Variants in ZNF79 observed in about 807,000 individuals in gnomAD.
The protein encoded by ZNF79 is zinc finger protein 79.
In ZNF79, 13 loss-of-function variants were observed where a neutral mutation model predicts 14.9. The observed-to-expected ratio is 0.87, with a 90% CI of 0.57 to 1.38. The LOEUF is 1.38. Ranked by LOEUF, ZNF79 falls within the 40% of genes most tolerant of loss-of-function variation. The pLI is 0.00. For missense variants in ZNF79, 631 were observed against 630.6 expected (o/e 1.00, Z -0.01); for synonymous variants, 223 against 235.1 (o/e 0.95, Z 0.47).
At chr9:127,437,586 C>T (rs993840357) in intron 4 of ZNF79, among the ~76,000 whole-genome samples, 19 of 151,186 alleles carry the variant, frequency 1.3e-4, no homozygotes, top group African/African-American at 4.4e-4. Flanking sequence ...GCAGTTGATT[C>T]GCTCACAGTT....
At chr9:127,438,271 T>A (rs1248651349) in intron 4 of ZNF79, among the ~76,000 whole-genome samples, 7 of 152,336 alleles carry the variant, frequency 4.6e-5, no homozygotes, top group Non-Finnish European at 5.9e-5. Flanking sequence ...CCTCCAGAAC[T>A]ACACTGGCTT....
chr9:127,434,683 G>A (rs1588072257), intron 2 of ZNF79, among the ~76,000 whole-genome samples: 1 of 152,164 alleles, frequency 6.6e-6, no homozygotes, highest in Non-Finnish European at 1.5e-5. Context: ...GAGTCTTGCC[G>A]TGTCACACAG....
intron 2 of ZNF79, among the ~76,000 whole-genome samples, chr9:127,433,109 C>T (rs1833889132): frequency 6.6e-6 from 1 of 151,654 alleles, no homozygotes. Flanking sequence ...TAAAAGATGA[C>T]CCTCTTTGTT....
At chr9:127,428,951 C>A in intron 2 of ZNF79, 31 bp downstream of exon 2, 1 of 1,460,700 alleles carries the variant, frequency 6.8e-7, no homozygotes, top group Non-Finnish European at 9.4e-7. Context: ...GGAAGGCATC[C>A]TTTTCTTCCC....
intron 1 of ZNF79, among the ~76,000 whole-genome samples, chr9:127,428,211 G>A (rs534747744): frequency 6.6e-6 from 1 of 152,166 alleles, no homozygotes; most frequent in East Asian, 1.9e-4. Flanking sequence ...GAACTCCTGG[G>A]CTCAAGCAGT....
chr9:127,440,468 A>G (rs1410927071), intron 4 of ZNF79, among the ~76,000 whole-genome samples: 2 of 152,202 alleles, frequency 1.3e-5, no homozygotes, highest in African/African-American at 4.8e-5. Flanking sequence ...AAACACGAGG[A>G]AGAGTGGTGT....
At chr9:127,432,668 A>G (rs1438082490) in intron 2 of ZNF79, among the ~76,000 whole-genome samples, 3 of 152,020 alleles carry the variant, frequency 2.0e-5, no homozygotes, top group Non-Finnish European at 2.9e-5. Context: ...TGCAGGGTAT[A>G]GGGTTTGATA....
At chr9:127,443,839 T>G (rs1249186791) in intron 4 of ZNF79, among the ~76,000 whole-genome samples, 190 bp from the exon 5 acceptor site, 1 of 145,614 alleles carries the variant, frequency 6.9e-6, no homozygotes, top group Non-Finnish European at 1.5e-5. Flanking sequence ...AGGCGGAGGT[T>G]GCAGTGAGCT....
At chr9:127,436,234 T>C (rs1002611604) in intron 4 of ZNF79, among the ~76,000 whole-genome samples, 3 of 152,324 alleles carry the variant, frequency 2.0e-5, no homozygotes, top group Admixed American at 2.0e-4. Context: ...AAACACACTC[T>C]TCCTCACCTC....
chr9:127,445,058 C>A lies in ZNF79; in HGVS notation c.1358C>A (p.Ala453Glu), dbSNP rs767462859. 7 of 1,613,954 alleles carry A rather than the reference C, an allele frequency of 4.3e-6. No homozygotes were observed. Among genetic ancestry groups the A allele is most frequent in the Non-Finnish European group, 5.9e-6 (7 of 1,180,008 alleles). Reference protein sequence around the residue: ...KPYECNECGKAFNQSSSLSQH... With the variant: ...KPYECNECGKEFNQSSSLSQH... ...TATGAGTGTAATGAGTGTGGTAAAGCGTTTAACCAGAGCTCATCCCTTAGT... is the reference window on the plus strand; with the variant it reads ...TATGAGTGTAATGAGTGTGGTAAAGAGTTTAACCAGAGCTCATCCCTTAGT... The change falls in exon 5 of 5, where the codon GCG becomes GAG. Residue 453 changes from alanine (A) to glutamate (E), a missense_variant. Coordinates refer to ENST00000342483, the MANE Select transcript of ZNF79 (RefSeq NM_007135.3).
rs745706021 is a variant in ZNF79 at position 127,444,252 on chromosome 9, C to A, written c.552C>A (p.Ile184=). 2 of 1,614,096 alleles carry A rather than the reference C, an allele frequency of 1.2e-6. No homozygotes were observed. Among genetic ancestry groups the A allele is most frequent in the Middle Eastern group, 1.6e-4 (1 of 6,062 alleles). The stretch of plus-strand genomic sequence containing the variant: ...CCGAGAGCTTCAAGAACTCGGAAAT[C>A]CTGAAACCTCACAGAGCAAAACCAT... The part of the protein sequence containing the change: ...THTESFKNSE[I]LKPHRAKPYA... Residue 184 remains isoleucine, a synonymous_variant, in exon 5 of 5, where the codon ATC becomes ATA. Coordinates refer to ENST00000342483, the MANE Select transcript of ZNF79 (RefSeq NM_007135.3).
intron 4 of ZNF79, 53 bp from the exon 5 acceptor site, chr9:127,443,976 C>A: frequency 6.7e-7 from 1 of 1,503,056 alleles, no homozygotes; most frequent in South Asian, 1.3e-5. Flanking sequence ...CTCCTTCAGC[C>A]TTTGGTATTC....
At chr9:127,433,779 T>G (rs1833900122) in intron 2 of ZNF79, among the ~76,000 whole-genome samples, 1 of 152,200 alleles carries the variant, frequency 6.6e-6, no homozygotes, top group South Asian at 2.1e-4. Context: ...GTTTCTTCTC[T>G]TTGTGATGAC....
Position 127,445,304 on chromosome 9 carries a change from C to A in ZNF79, c.*107C>A, listed in dbSNP as rs1457833072. On this transcript the variant is annotated 3_prime_UTR_variant, in exon 5 of 5. Coordinates refer to ENST00000342483, the MANE Select transcript of ZNF79 (RefSeq NM_007135.3). ...CTTGAAAGCATCTGAAGACATCTAA[C>A]TTAGAGTCTGCAGCCCAGAGCCACA... The A allele has an allele frequency of 3.2e-6, 4 of 1,262,894 alleles. No homozygotes were observed. Among genetic ancestry groups the A allele is most frequent in the Non-Finnish European group, 4.4e-6 (4 of 913,804 alleles). 78.2% of individuals were successfully genotyped at this position (1,262,894 alleles called of 1,614,324 possible).
intron 1 of ZNF79, 180 bp downstream of exon 1, chr9:127,424,983 C>G: frequency 6.9e-7 from 1 of 1,454,740 alleles, no homozygotes; most frequent in Non-Finnish European, 9.1e-7. Context: ...ACATGTGCCC[C>G]TACAGTCCTT....
intron 4 of ZNF79, among the ~76,000 whole-genome samples, chr9:127,436,463 A>G (rs1380544563): frequency 6.6e-6 from 1 of 151,100 alleles, no homozygotes; most frequent in Non-Finnish European, 1.5e-5. Context: ...CCCTTAATTC[A>G]TTCTGCTCCT....
At chr9:127,429,548 C>T (rs914080182) in intron 2 of ZNF79, among the ~76,000 whole-genome samples, 3 of 148,938 alleles carry the variant, frequency 2.0e-5, no homozygotes, top group Non-Finnish European at 4.4e-5. Context: ...CCAGTCTGGT[C>T]TTGAACTCCT....
intron 1 of ZNF79, 108 bp downstream of exon 1, chr9:127,424,911 G>T (rs1230449645): frequency 6.4e-7 from 1 of 1,563,348 alleles, no homozygotes; most frequent in Non-Finnish European, 8.7e-7. Context: ...TCTCCTACAG[G>T]TAGTTGGAGA....
At chr9:127,442,577 C>T (rs2131962785) in intron 4 of ZNF79, among the ~76,000 whole-genome samples, 1 of 152,250 alleles carries the variant, frequency 6.6e-6, no homozygotes, top group Non-Finnish European at 1.5e-5. Flanking sequence ...TTTAGAAACA[C>T]TGTGCACTTA....
Sources: gnomAD v4.1 joint callset for allele counts (sites outside exome capture counted in the v4.1 genomes callset) on GRCh38, gnomAD v4.1.1 for gene constraint, MANE v1.5 for transcripts, NCBI Gene and HGNC (gene_info 2026-07-23, HGNC 2026-07-21) for gene names.